XRCC4: variants seen among roughly 807,000 people sequenced by gnomAD.
The protein encoded by XRCC4 is X-ray repair cross complementing 4, also known as DNA repair protein XRCC4.
In XRCC4, 28 loss-of-function variants were observed where a neutral mutation model predicts 39.1. That is an observed-to-expected ratio of 0.72 (90% confidence interval 0.53 to 0.98). XRCC4 has a LOEUF of 0.98. XRCC4 is among the 50% of genes least tolerant of loss of function. The pLI is 0.00. For missense variants in XRCC4, 350 were observed against 376.4 expected (o/e 0.93, Z 0.58); for synonymous variants, 123 against 126.4 (o/e 0.97, Z 0.18).
intron 7 of XRCC4, among the ~76,000 whole-genome samples, chr5:83,269,868 G>T (rs1199664630): frequency 6.6e-6 from 1 of 152,044 alleles, no homozygotes; most frequent in South Asian, 2.1e-4. Context: ...ACCTGGGGTG[G>T]GTGGGGGGAT....
the XRCC4 span, among the ~76,000 whole-genome samples, chr5:83,367,748 C>T: frequency 2.0e-5 from 3 of 152,128 alleles, no homozygotes; most frequent in South Asian, 4.1e-4. Flanking sequence ...ACCACCATAC[C>T]CAGCTAATTT....
At chr5:83,219,121 T>C (rs1049494043) in intron 6 of XRCC4, among the ~76,000 whole-genome samples, 1 of 152,168 alleles carries the variant, frequency 6.6e-6, no homozygotes, top group African/African-American at 2.4e-5. Context: ...CATCAAATTT[T>C]CTTCCTTCTA....
chr5:83,190,429 AGCACTCACTGC>A (rs199633285), intron 3 of XRCC4, among the ~76,000 whole-genome samples: 2,286 of 152,322 alleles, frequency 0.015, 76 homozygotes, highest in African/African-American at 0.052. Flanking sequence ...TAAATTTAAA[AGCACTCACTGC>A]AACAAAATGA....
intron 7 of XRCC4, among the ~76,000 whole-genome samples, chr5:83,311,326 A>G (rs544201052): frequency 2.5e-4 from 38 of 152,326 alleles, no homozygotes; most frequent in Admixed American, 1.1e-3. Flanking sequence ...ACAATAATCT[A>G]TTGTAATTTC....
intron 3 of XRCC4, among the ~76,000 whole-genome samples, chr5:83,148,723 GGT>G (rs1246083282): frequency 1.3e-5 from 2 of 151,926 alleles, no homozygotes; most frequent in African/African-American, 4.8e-5. Context: ...CATTGTATTA[GGT>G]GCTTCCCTTG....
At chr5:83,257,764 A>G (rs1355993007) in intron 6 of XRCC4, among the ~76,000 whole-genome samples, 2 of 152,216 alleles carry the variant, frequency 1.3e-5, no homozygotes, top group African/African-American at 4.8e-5. Flanking sequence ...TCTATTTACA[A>G]TAGCAAAGAC....
chr5:83,215,592 T>A (rs1485025021), intron 6 of XRCC4, among the ~76,000 whole-genome samples: 1 of 152,168 alleles, frequency 6.6e-6, no homozygotes, highest in Non-Finnish European at 1.5e-5. Flanking sequence ...ATATTATTAT[T>A]ATAAAGATAG....
chr5:83,143,423 T>C (rs971778360), intron 3 of XRCC4, among the ~76,000 whole-genome samples: 2 of 152,152 alleles, frequency 1.3e-5, no homozygotes, highest in Non-Finnish European at 2.9e-5. Context: ...GCCATAAATA[T>C]ATAAAATTAT....
intron 1 of XRCC4, among the ~76,000 whole-genome samples, chr5:83,079,182 A>G (rs1309777097): frequency 5.9e-5 from 9 of 152,346 alleles, no homozygotes; most frequent in African/African-American, 2.2e-4. Context: ...TTAGGCTATG[A>G]CTTCTTATGT....
At chr5:83,083,559 G>C (rs1016349705) in intron 1 of XRCC4, among the ~76,000 whole-genome samples, 1 of 151,802 alleles carries the variant, frequency 6.6e-6, no homozygotes, top group African/African-American at 2.4e-5. Context: ...TGTATTTTTA[G>C]TACAGACGGG....
chr5:83,309,099 G>A (rs1026132802), intron 7 of XRCC4, among the ~76,000 whole-genome samples: 6 of 150,088 alleles, frequency 4.0e-5, no homozygotes, highest in Non-Finnish European at 7.4e-5. Flanking sequence ...CTAACATGGT[G>A]AAACGCTGTC....
intron 1 of XRCC4, among the ~76,000 whole-genome samples, chr5:83,082,649 C>A (rs1273546660): frequency 6.6e-6 from 1 of 152,184 alleles, no homozygotes; most frequent in East Asian, 1.9e-4. Context: ...CAACTTACAG[C>A]TCACAGGCTG....
chr5:83,198,948 A>G (rs1751063073), intron 4 of XRCC4, among the ~76,000 whole-genome samples: 1 of 152,134 alleles, frequency 6.6e-6, no homozygotes, highest in African/African-American at 2.4e-5. Flanking sequence ...AATTACAAAT[A>G]AAAACTCTCA....
intron 7 of XRCC4, among the ~76,000 whole-genome samples, chr5:83,287,962 C>G (rs1173673572): frequency 6.6e-6 from 1 of 151,720 alleles, no homozygotes; most frequent in Non-Finnish European, 1.5e-5. Context: ...TTCGTTGCAT[C>G]CCACACACAC....
chr5:83,099,912 C>G (rs1745848550), intron 1 of XRCC4, among the ~76,000 whole-genome samples: 1 of 152,130 alleles, frequency 6.6e-6, no homozygotes, highest in South Asian at 2.1e-4. Flanking sequence ...AGAGATCGTT[C>G]ATTTGCTCTT....
At chr5:83,087,608 A>C (rs1199968748) in intron 1 of XRCC4, among the ~76,000 whole-genome samples, 5 of 151,870 alleles carry the variant, frequency 3.3e-5, no homozygotes, top group Non-Finnish European at 7.4e-5. Flanking sequence ...GGTTGCAGTG[A>C]GCCGAGATGG....
intron 3 of XRCC4, among the ~76,000 whole-genome samples, chr5:83,189,308 T>A (rs985699899): frequency 6.6e-6 from 1 of 152,120 alleles, no homozygotes; most frequent in Non-Finnish European, 1.5e-5. Context: ...TCTCAAGAAC[T>A]CTCTGATTCC....
At chr5:83,142,470 CTTAG>C (rs1409945063) in intron 3 of XRCC4, among the ~76,000 whole-genome samples, 3 of 152,188 alleles carry the variant, frequency 2.0e-5, no homozygotes, top group Admixed American at 6.5e-5. Flanking sequence ...TACTTTTGTA[CTTAG>C]TTAATGTGCT....
chr5:83,150,567 G>A (rs11740478), intron 3 of XRCC4, among the ~76,000 whole-genome samples: 72,971 of 151,916 alleles, frequency 0.48, 18,405 homozygotes, highest in African/African-American at 0.62. Flanking sequence ...GAGAATACAG[G>A]TGCAATGAAG....
Sources: allele counts gnomAD v4.1 joint callset (sites outside exome capture counted in the v4.1 genomes callset), GRCh38; gene constraint gnomAD v4.1.1; transcripts MANE v1.5; gene names NCBI Gene and HGNC (gene_info 2026-07-23, HGNC 2026-07-21).